Variants in ATM observed in about 807,000 individuals in gnomAD.
The protein encoded by ATM is serine-protein kinase ATM.
In ATM, 308 loss-of-function variants were observed where a neutral mutation model predicts 387.0. The observed-to-expected ratio is 0.80, with a 90% CI of 0.73 to 0.87. ATM has a LOEUF of 0.87. Among genes scored for constraint, ATM ranks in the 40% least tolerant of loss-of-function variants. The pLI, the probability that ATM is intolerant of heterozygous loss-of-function variation, is 0.00. For missense variants in ATM, 3,312 were observed against 3,560.9 expected, an observed-to-expected ratio of 0.93 and a Z score of 1.78; for synonymous variants, 1,156 against 1,187.3, an observed-to-expected ratio of 0.97 and a Z score of 0.54.
chr11:108,253,247 A>G (rs2080250434), intron 12 of ATM, among the ~76,000 whole-genome samples: 1 of 152,182 alleles, frequency 6.6e-6, no homozygotes, highest in Non-Finnish European at 1.5e-5. Context: ...TACATCAACT[A>G]TGATTTGACT....
chr11:108,264,414 T>G (rs1354449882), intron 16 of ATM, among the ~76,000 whole-genome samples: 3 of 152,202 alleles, frequency 2.0e-5, no homozygotes, highest in Non-Finnish European at 4.4e-5. Flanking sequence ...AGAAAAGGCC[T>G]TGGACAAAAT....
At chr11:108,343,077 T>A in intron 56 of ATM, 145 bp from the exon 57 acceptor site, 1 of 1,052,732 alleles carries the variant, frequency 9.5e-7, no homozygotes, top group Non-Finnish European at 1.4e-6. Flanking sequence ...ATTGGTTTCC[T>A]CCAAGGAGCT....
chr11:108,341,072 G>C (rs781308476), intron 56 of ATM, among the ~76,000 whole-genome samples: 2 of 151,968 alleles, frequency 1.3e-5, no homozygotes, highest in Non-Finnish European at 1.5e-5. Context: ...TAAGTTAAGT[G>C]ATCTGCCTCT....
chr11:108,299,439 G>A lies in ATM; in HGVS notation c.5006-275G>A, dbSNP rs4988028. ...CAGCCTCCTGAGTAGCTGGGATTACGGGCCTGCGCCACCACGCCTGGCTAA... is the reference window on the plus strand; with the variant it reads ...CAGCCTCCTGAGTAGCTGGGATTACAGGCCTGCGCCACCACGCCTGGCTAA... On this transcript the variant is annotated intron_variant, in intron 33 of 62. Coordinates refer to ENST00000675843, the MANE Select transcript of ATM (RefSeq NM_000051.4). The A allele has an allele frequency of 1.5e-3, 523 of 346,566 alleles. 3 individuals are homozygous for A. The highest frequency in any genetic ancestry group is 0.011 in the African/African-American group (492 of 46,824). 21.5% of individuals were successfully genotyped at this position (346,566 alleles called of 1,614,324 possible). A position where few individuals can be genotyped will look rare whatever the true frequency, so the allele number is the denominator to read the frequency against.
chr11:108,307,286 A>T (rs2083766723), intron 37 of ATM, among the ~76,000 whole-genome samples: 1 of 151,946 alleles, frequency 6.6e-6, no homozygotes, highest in African/African-American at 2.4e-5. Flanking sequence ...AATAGCTGGG[A>T]TTACAGATGT....
intron 60 of ATM, 144 bp downstream of exon 60, chr11:108,354,024 T>G: frequency 1.4e-6 from 1 of 709,164 alleles, no homozygotes; most frequent in East Asian, 2.8e-5. Flanking sequence ...GAGTCCAGCC[T>G]AGGCAATACA....
At position 108,367,551 on chromosome 11, in the gene ATM, T is replaced by C; in HGVS notation, c.*2043T>C. 4.8e-6 allele frequency: 1 copy of C among 206,234 alleles called. No individual in the cohort carries two copies. Among genetic ancestry groups the C allele is most frequent in the Non-Finnish European group, 9.9e-6 (1 of 100,890 alleles). The allele number at this position is 206,234 out of a possible 1,614,324, so 12.8% of individuals were successfully genotyped here. On this transcript the variant is annotated 3_prime_UTR_variant, in exon 63 of 63. Transcript: ENST00000675843. The stretch of plus-strand genomic sequence containing the variant: ...ATTAGTGAGTATAATCTCTTCTCCA[T>C]CCTTAGGAAAATGTTCATCCCAGCT...
intron 5 of ATM, among the ~76,000 whole-genome samples, chr11:108,240,771 T>C (rs1469045896): frequency 6.6e-6 from 1 of 152,212 alleles, no homozygotes; most frequent in African/African-American, 2.4e-5. Flanking sequence ...TGTAAAGGCC[T>C]GGGATACTAT....
At chr11:108,265,144 T>C (rs2081150860) in intron 16 of ATM, among the ~76,000 whole-genome samples, 2 of 151,222 alleles carry the variant, frequency 1.3e-5, no homozygotes, top group African/African-American at 2.4e-5. Context: ...TTAAAGTTCA[T>C]ATGGAACCAA....
chr11:108,266,752 T>C (rs2081270870), intron 16 of ATM, among the ~76,000 whole-genome samples: 1 of 152,162 alleles, frequency 6.6e-6, no homozygotes, highest in South Asian at 2.1e-4. Flanking sequence ...GTAGTTTTCA[T>C]ACTTACACAT....
intron 49 of ATM, 126 bp from the exon 50 acceptor site, chr11:108,330,088 G>A (rs907859049): frequency 2.1e-6 from 2 of 938,018 alleles, no homozygotes; most frequent in African/African-American, 3.3e-5. Flanking sequence ...ATAATCCTTA[G>A]AAGTTTGCTT....
At chr11:108,234,840 T>A (rs7128094) in intron 4 of ATM, among the ~76,000 whole-genome samples, 2 of 148,200 alleles carry the variant, frequency 1.3e-5, no homozygotes, top group Non-Finnish European at 3.0e-5. Flanking sequence ...GACCCTGTCT[T>A]AAAAAAAAAA....
Position 108,321,420 on chromosome 11 carries a change from G to T in ATM, c.6572G>T (p.Arg2191Ile), listed in dbSNP as rs1196814221. 1 of 1,614,042 alleles carries T rather than the reference G, an allele frequency of 6.2e-7. No homozygotes were observed. The change falls in exon 45 of 63, where the codon AGA (arginine) becomes ATA (isoleucine). Residue 2191 changes from arginine (R) to isoleucine (I), a missense_variant and splice_region_variant. Physicochemically the swap from Arg to Ile is moderately conservative, Grantham distance 97. Transcript: ENST00000675843. ...ELESIGELFS[R>I]SVTHRQLSEV... is the part of the protein sequence containing the mutation. The stretch of plus-strand genomic sequence containing the variant: ...GAAAGCATTGGGGAGCTTTTCTCAA[G>T]GTATGTAATTCGTATGACTTTGTTA...
intron 17 of ATM, among the ~76,000 whole-genome samples, chr11:108,268,181 A>T (rs2135519698): frequency 6.6e-6 from 1 of 152,158 alleles, no homozygotes; most frequent in East Asian, 1.9e-4. Context: ...TATTGCAATG[A>T]TCATTTGTCT....
chr11:108,337,527 A>C (rs369939793), intron 56 of ATM, among the ~76,000 whole-genome samples: 4 of 152,216 alleles, frequency 2.6e-5, no homozygotes, highest in Non-Finnish European at 5.9e-5. Context: ...CTAATTCAGC[A>C]AGATTAGGGT....
chr11:108,289,695 C>G lies in ATM; in HGVS notation c.4330C>G (p.Leu1444Val), dbSNP rs2135762205. 6.2e-7 allele frequency: 1 copy of G among 1,613,372 alleles called. No individual in the cohort carries two copies. The highest frequency in any genetic ancestry group is 8.5e-7 in the Non-Finnish European group (1 of 1,179,780). Residue 1444 changes from leucine to valine, a missense_variant, in exon 29 of 63, where the codon CTG becomes GTG. Physicochemically the swap from Leu to Val is conservative, Grantham distance 32. Coordinates refer to ENST00000675843, the MANE Select transcript of ATM (RefSeq NM_000051.4). ...GCACAGAATTCTTAAAATATATCACCTGTTTGTTAGTTTATTACTGAAAGA... is the reference window on the plus strand; with the variant it reads ...GCACAGAATTCTTAAAATATATCACGTGTTTGTTAGTTTATTACTGAAAGA... ...KKHRILKIYH[L>V]FVSLLLKDIK...
chr11:108,338,633 A>C (rs227067), intron 56 of ATM, among the ~76,000 whole-genome samples: 1 of 151,726 alleles, frequency 6.6e-6, no homozygotes, highest in Non-Finnish European at 1.5e-5. Flanking sequence ...TCCAGTCTGG[A>C]CAACAGAGCA....
chr11:108,352,198 A>G (rs1488677989), intron 59 of ATM, among the ~76,000 whole-genome samples: 1 of 152,254 alleles, frequency 6.6e-6, no homozygotes, highest in Non-Finnish European at 1.5e-5. Flanking sequence ...TGAGATGACA[A>G]TGATGTTGGA....
chr11:108,331,380 G>T (rs887280976), intron 50 of ATM, 64 bp from the exon 51 acceptor site: 1 of 1,564,642 alleles, frequency 6.4e-7, no homozygotes, highest in African/African-American at 1.4e-5. Flanking sequence ...TAACTTACTT[G>T]CTTAGATGTG....
Sources: gnomAD v4.1 joint callset for allele counts (sites outside exome capture counted in the v4.1 genomes callset) on GRCh38, gnomAD v4.1.1 for gene constraint, MANE v1.5 for transcripts, NCBI Gene and HGNC (gene_info 2026-07-23, HGNC 2026-07-21) for gene names.